CRK: variants seen among roughly 807,000 people sequenced by gnomAD.
The protein encoded by CRK is CRK proto-oncogene, adaptor protein.
A neutral mutation model predicts 29.8 loss-of-function variants in CRK; 4 were observed. The observed-to-expected ratio is 0.13, with a 90% CI of 0.07 to 0.31. The LOEUF is 0.31. Among genes scored for constraint, CRK ranks in the 10% least tolerant of loss-of-function variants. The pLI is 1.00. For synonymous variants in CRK, 153 were observed against 164.9 expected (o/e 0.93, Z 0.55); for missense variants, 274 against 396.5 (o/e 0.69, Z 2.62).
intron 1 of CRK, among the ~76,000 whole-genome samples, chr17:1,444,907 G>A (rs1397951395): frequency 2.0e-5 from 3 of 152,000 alleles, no homozygotes; most frequent in Non-Finnish European, 4.4e-5. Context: ...CCAGCACTCT[G>A]GGAGGCCGAG....
chr17:1,451,379 C>T (rs1193934298), intron 1 of CRK, among the ~76,000 whole-genome samples: 4 of 151,516 alleles, frequency 2.6e-5, no homozygotes, highest in East Asian at 2.0e-4. Context: ...TACAGGCGTC[C>T]GCCACCACGC....
chr17:1,425,390 C>T (rs1277577553), intron 2 of CRK, among the ~76,000 whole-genome samples: 1 of 152,056 alleles, frequency 6.6e-6, no homozygotes, highest in Non-Finnish European at 1.5e-5. Flanking sequence ...CCACGCCTGG[C>T]CATCTTTTTA....
At chr17:1,453,938 C>G (rs1434886384) in intron 1 of CRK, among the ~76,000 whole-genome samples, 2 of 151,884 alleles carry the variant, frequency 1.3e-5, no homozygotes, top group African/African-American at 4.8e-5. Flanking sequence ...CGGTGGCCCA[C>G]GCCTGTAATC....
intron 1 of CRK, among the ~76,000 whole-genome samples, chr17:1,450,304 C>T (rs2074007208): frequency 6.6e-6 from 1 of 151,872 alleles, no homozygotes; most frequent in Non-Finnish European, 1.5e-5. Context: ...GTCAGGAGCT[C>T]AAGACCATCC....
At chr17:1,452,314 G>T (rs888512303) in intron 1 of CRK, among the ~76,000 whole-genome samples, 1 of 152,134 alleles carries the variant, frequency 6.6e-6, no homozygotes, top group African/African-American at 2.4e-5. Flanking sequence ...GGTACATAAA[G>T]TACTCAAAGT....
rs1057159632 is a variant in CRK at position 1,422,349 on chromosome 17, G to C, written c.*1164C>G. On this transcript the variant is annotated 3_prime_UTR_variant, in exon 3 of 3. Transcript: ENST00000300574. ...GGGCTAATTTTTTATATCTTTAGCA[G>C]AGATGGGGTTTCACTATGTTGGCCA... The C allele has an allele frequency of 6.6e-6, 1 of 151,844 alleles. No homozygotes were observed. Among genetic ancestry groups the C allele is most frequent in the African/African-American group, 2.4e-5 (1 of 41,352 alleles). The allele number at this position is 151,844 out of a possible 1,614,324, so 9.4% of individuals were successfully genotyped here. A position where few individuals can be genotyped will look rare whatever the true frequency, so the allele number is the denominator to read the frequency against.
intron 2 of CRK, among the ~76,000 whole-genome samples, chr17:1,427,483 C>A (rs2073792406): frequency 6.6e-6 from 1 of 151,690 alleles, no homozygotes; most frequent in Non-Finnish European, 1.5e-5. Flanking sequence ...GTCCCACCTA[C>A]TCGGGAGGCT....
intron 2 of CRK, among the ~76,000 whole-genome samples, chr17:1,432,967 C>T (rs1347200872): frequency 2.6e-5 from 4 of 152,024 alleles, no homozygotes; most frequent in Admixed American, 6.6e-5. Context: ...AAGCAAGTCC[C>T]GGCTGTATCA....
At chr17:1,452,763 G>A (rs2074027343) in intron 1 of CRK, among the ~76,000 whole-genome samples, 1 of 151,296 alleles carries the variant, frequency 6.6e-6, no homozygotes, top group Non-Finnish European at 1.5e-5. Flanking sequence ...GCGCTCCAGC[G>A]TGGGAGACAA....
At position 1,455,923 on chromosome 17, in the gene CRK, G is replaced by A; in HGVS notation, c.195C>T (p.Ser65=). The part of the protein sequence containing the change: ...SRVSHYIINS[S]GPRPPVPPSP... ...ACGGTGGCACCGGCGGGCGCGGGCC[G>A]CTGCTGTTGATGATGTAGTGGGAGA... Residue 65 remains serine, a synonymous_variant, in exon 1 of 3, where the codon AGC becomes AGT. Coordinates refer to ENST00000300574, the MANE Select transcript of CRK (RefSeq NM_016823.4). 3.1e-6 allele frequency: 5 copies of A among 1,588,860 alleles called. No individual in the cohort carries two copies. Among genetic ancestry groups the A allele is most frequent in the Admixed American group, 1.7e-5 (1 of 57,920 alleles).
At chr17:1,445,305 T>C (rs1247050361) in intron 1 of CRK, among the ~76,000 whole-genome samples, 1 of 152,144 alleles carries the variant, frequency 6.6e-6, no homozygotes, top group Non-Finnish European at 1.5e-5. Context: ...GAGCCGTACA[T>C]TTTTCATATT....
Position 1,423,164 on chromosome 17 carries a change from G to T in CRK, c.*349C>A. On this transcript the variant is annotated 3_prime_UTR_variant, in exon 3 of 3. Coordinates refer to ENST00000300574, the MANE Select transcript of CRK (RefSeq NM_016823.4). ...GAAAACAAAACCACTGAATAAATCA[G>T]GGTAAGCAGTGTGTAACACTCCTTC... is the stretch of plus-strand genomic sequence containing the variant. 1 of 455,362 alleles carries T rather than the reference G, an allele frequency of 2.2e-6. No individual in the cohort carries two copies. The highest frequency in any genetic ancestry group is 3.9e-6 in the Non-Finnish European group (1 of 259,700). 28.2% of individuals were successfully genotyped at this position (455,362 alleles called of 1,614,324 possible).
chr17:1,450,266 T>C (rs2074006926), intron 1 of CRK, among the ~76,000 whole-genome samples: 1 of 152,042 alleles, frequency 6.6e-6, no homozygotes, highest in Admixed American at 6.6e-5. Flanking sequence ...CCCAGCACTT[T>C]GGGAGGCCAA....
In CRK at chr17:1,440,962, CAG is replaced by C. The variant is rs1491149635; in HGVS notation, c.242-3809_242-3808del. ...TTTTGGCTTTGTTGTTGTCTTGTGA[CAG>C]AGTGGTCTGGCTCTGTCACCCAGGC... On this transcript the variant is annotated intron_variant, in intron 1 of 2. Coordinates refer to ENST00000300574, the MANE Select transcript of CRK (RefSeq NM_016823.4). Among the ~76,000 whole-genome samples, 16 of 152,300 alleles carry C rather than the reference CAG, an allele frequency of 1.1e-4. No individual in the cohort carries two copies. The South Asian group carries it at 3.1e-3, about 30-fold the overall frequency.
chr17:1,424,107 C>T (rs1377432081), intron 2 of CRK, among the ~76,000 whole-genome samples: 1 of 143,042 alleles, frequency 7.0e-6, no homozygotes, highest in African/African-American at 2.6e-5. Flanking sequence ...GTCTCTGTCA[C>T]CCAGGCTGGA....
chr17:1,427,024 T>C (rs1230110719), intron 2 of CRK, among the ~76,000 whole-genome samples: 1 of 64,530 alleles, frequency 1.5e-5, no homozygotes, highest in Non-Finnish European at 2.7e-5. Flanking sequence ...AGAGCAAAAC[T>C]GTCTCCAAAA....
chr17:1,421,593 G>A lies in CRK; in HGVS notation c.*1920C>T, dbSNP rs893657394. On this transcript the variant is annotated 3_prime_UTR_variant, in exon 3 of 3. Transcript: ENST00000300574. Reference sequence around the variant, plus strand: ...TAAAATACATTAAATTAGCGTCAACGCGTTAGTCTGCTTGCGGCCATGTAC... The same window carrying A: ...TAAAATACATTAAATTAGCGTCAACACGTTAGTCTGCTTGCGGCCATGTAC... The A allele has an allele frequency of 3.3e-5, 5 of 152,120 alleles. No homozygotes were observed. Among genetic ancestry groups the A allele is most frequent in the African/African-American group, 7.2e-5 (3 of 41,416 alleles). The allele number at this position is 152,120 out of a possible 1,614,324, so 9.4% of individuals were successfully genotyped here.
intron 2 of CRK, among the ~76,000 whole-genome samples, chr17:1,429,617 C>G (rs967947187): frequency 1.0e-4 from 12 of 117,786 alleles, no homozygotes; most frequent in Non-Finnish European, 1.8e-4. Flanking sequence ...CAGTGAAACT[C>G]TGTCTCTCTT....
At position 1,423,186 on chromosome 17, in the gene CRK, C is replaced by T. The variant is rs2073744120; in HGVS notation, c.*327G>A. 4.1e-6 allele frequency: 2 copies of T among 491,578 alleles called. No homozygotes were observed. The highest frequency in any genetic ancestry group is 3.9e-5 in the South Asian group (1 of 25,654). 30.5% of individuals were successfully genotyped at this position (491,578 alleles called of 1,614,324 possible). On this transcript the variant is annotated 3_prime_UTR_variant, in exon 3 of 3. Transcript: ENST00000300574. ...TCAGGGTAAGCAGTGTGTAACACTC[C>T]TTCCTGTCCATCGGTTTTCCACAGG...
Sources: gnomAD v4.1 joint callset for allele counts (sites outside exome capture counted in the v4.1 genomes callset) on GRCh38, gnomAD v4.1.1 for gene constraint, MANE v1.5 for transcripts, NCBI Gene and HGNC (gene_info 2026-07-23, HGNC 2026-07-21) for gene names.